NUDT3: variants seen among roughly 807,000 people sequenced by gnomAD.
NUDT3 encodes nudix hydrolase 3.
In NUDT3, 9 loss-of-function variants were observed where a neutral mutation model predicts 23.6. The observed-to-expected ratio is 0.38, with a 90% CI of 0.23 to 0.66. The LOEUF (loss-of-function observed/expected upper bound fraction) is 0.66, where lower values mean the gene tolerates loss of function less well. Among genes scored for constraint, NUDT3 ranks in the 30% least tolerant of loss-of-function variants. NUDT3 has a pLI of 0.52. For missense variants in NUDT3, 172 were observed against 218.5 expected, an observed-to-expected ratio of 0.79 and a Z score of 1.34; for synonymous variants, 86 against 82.6, an observed-to-expected ratio of 1.04 and a Z score of -0.22.
intron 4 of NUDT3, among the ~76,000 whole-genome samples, chr6:34,291,223 T>C (rs188682688): frequency 0.012 from 1,861 of 151,856 alleles, 22 homozygotes; most frequent in Non-Finnish European, 0.02. Context: ...CCTCCCAAAG[T>C]GCTGGGATTA....
intron 2 of NUDT3, among the ~76,000 whole-genome samples, chr6:34,299,918 T>C (rs572409764): frequency 4.0e-5 from 6 of 151,290 alleles, no homozygotes; most frequent in African/African-American, 1.5e-4. Flanking sequence ...AAAAAAATAT[T>C]TTTTTTATTT....
chr6:34,282,441 T>C lies in NUDT3; in HGVS notation c.*6312A>G, dbSNP rs1763290175. On this transcript the variant is annotated 3_prime_UTR_variant, in exon 5 of 5. Transcript: ENST00000607016. ...AGAATCTTATGGCCCAGCATTGGCA[T>C]TGAGGCATCTTGCTTTTTTTCCTCA... 6.6e-6 allele frequency: 1 copy of C among 152,202 alleles called. No individual in the cohort carries two copies. The highest frequency in any genetic ancestry group is 2.4e-5 in the African/African-American group (1 of 41,442). 9.4% of individuals were successfully genotyped at this position (152,202 alleles called of 1,614,324 possible). A position where few individuals can be genotyped will look rare whatever the true frequency, so the allele number is the denominator to read the frequency against.
intron 1 of NUDT3, among the ~76,000 whole-genome samples, chr6:34,354,414 CACACACACACACACAT>C (rs1330890581): frequency 9.3e-5 from 14 of 150,692 alleles, no homozygotes; most frequent in African/African-American, 3.0e-4. Flanking sequence ...CACACACACA[CACACACACACACACAT>C]ACACACTCTT....
At chr6:34,374,061 G>A (rs1764881005) in intron 1 of NUDT3, among the ~76,000 whole-genome samples, 1 of 150,284 alleles carries the variant, frequency 6.7e-6, no homozygotes, top group Non-Finnish European at 1.5e-5. Flanking sequence ...GGAGGCTGAG[G>A]CAGGAGAATC....
intron 1 of NUDT3, among the ~76,000 whole-genome samples, chr6:34,382,092 A>T (rs1223424169): frequency 8.0e-5 from 12 of 150,736 alleles, no homozygotes; most frequent in African/African-American, 2.9e-4. Context: ...AAAAAAAAAA[A>T]AAAAAAATTA....
chr6:34,314,596 T>C (rs982671373), intron 2 of NUDT3, among the ~76,000 whole-genome samples: 5 of 149,940 alleles, frequency 3.3e-5, no homozygotes, highest in African/African-American at 1.2e-4. Flanking sequence ...ATGCCAAAAG[T>C]AGTTTCTTTC....
intron 2 of NUDT3, among the ~76,000 whole-genome samples, chr6:34,297,022 C>T (rs1016353121): frequency 6.6e-6 from 1 of 151,030 alleles, no homozygotes; most frequent in African/African-American, 2.4e-5. Context: ...ACATCCATCT[C>T]CCGGGTTCAA....
intron 1 of NUDT3, among the ~76,000 whole-genome samples, chr6:34,351,198 T>TTAAAAAAAAAAAAAAAAAAAAAAAAAAA (rs1764462307): frequency 1.7e-4 from 3 of 17,894 alleles, no homozygotes; most frequent in Non-Finnish European, 2.3e-4. Context: ...CTCCCCTGCC[T>TTAAAAAAAAAAAAAAAAAAAAAAAAAAA]AAAAAAAAAA....
intron 1 of NUDT3, among the ~76,000 whole-genome samples, chr6:34,379,340 G>A (rs1017344283): frequency 2.7e-5 from 4 of 150,180 alleles, no homozygotes; most frequent in Admixed American, 6.6e-5. Flanking sequence ...TGGGCAGATC[G>A]CCTCAGGCCA....
rs538190179 is a variant in NUDT3 at position 34,363,609 on chromosome 6, C to T, written c.100-21637G>A. ...ATTAAGCATGGGCTAGGTGAGAGTT[C>T]TGATCAGCATGTATTTTTAGAAATT... is the stretch of plus-strand genomic sequence containing the variant. On this transcript the variant is annotated intron_variant, in intron 1 of 4. Transcript: ENST00000607016. Among the ~76,000 whole-genome samples the T allele has an allele frequency of 8.1e-4, 123 of 152,202 alleles. 1 individual carries two copies. The highest frequency in any genetic ancestry group is 1.6e-4 in the Non-Finnish European group (11 of 68,004).
intron 1 of NUDT3, among the ~76,000 whole-genome samples, chr6:34,359,645 C>A (rs957370364): frequency 6.6e-6 from 1 of 152,198 alleles, no homozygotes; most frequent in Non-Finnish European, 1.5e-5. Flanking sequence ...TATGTATACA[C>A]CATATACCAC....
At chr6:34,356,131 A>G (rs1179773246) in intron 1 of NUDT3, among the ~76,000 whole-genome samples, 2 of 152,148 alleles carry the variant, frequency 1.3e-5, no homozygotes. Context: ...ATACTTAACA[A>G]TGTAAGAAGG....
At chr6:34,373,006 G>A (rs1312568832) in intron 1 of NUDT3, among the ~76,000 whole-genome samples, 2 of 151,762 alleles carry the variant, frequency 1.3e-5, no homozygotes, top group African/African-American at 2.4e-5. Flanking sequence ...TGTGCCGGGC[G>A]CGGTGGCTCA....
chr6:34,311,575 G>A (rs1374542833), intron 2 of NUDT3, among the ~76,000 whole-genome samples: 2 of 152,144 alleles, frequency 1.3e-5, no homozygotes, highest in Admixed American at 1.3e-4. Flanking sequence ...TATTGAAAAA[G>A]TGATCCTAAA....
At position 34,304,506 on chromosome 6, in the gene NUDT3, C is replaced by T. The variant is rs1057324884; in HGVS notation, c.211-8821G>A. ...CTTACAAAAGGTATGTAACTATCCT[C>T]CTCTAAATAGTCTTCAAGAATATAC... On this transcript the variant is annotated intron_variant, in intron 2 of 4. Transcript: ENST00000607016. Among the ~76,000 whole-genome samples, 3 of 152,032 alleles carry T rather than the reference C, an allele frequency of 2.0e-5. No individual in the cohort carries two copies. In the South Asian group the frequency reaches 6.2e-4, roughly 31 times the overall value.
intron 2 of NUDT3, among the ~76,000 whole-genome samples, chr6:34,338,807 G>C (rs1764247691): frequency 6.6e-6 from 1 of 152,228 alleles, no homozygotes; most frequent in African/African-American, 2.4e-5. Context: ...AGGCAGAGGA[G>C]AATGTCTGAT....
At chr6:34,384,119 G>A (rs1765067130) in intron 1 of NUDT3, among the ~76,000 whole-genome samples, 1 of 152,218 alleles carries the variant, frequency 6.6e-6, no homozygotes, top group East Asian at 1.9e-4. Context: ...AGTCTGCAGA[G>A]ACGTCAGTCC....
At chr6:34,301,547 G>A (rs1272983573) in intron 2 of NUDT3, among the ~76,000 whole-genome samples, 2 of 152,226 alleles carry the variant, frequency 1.3e-5, no homozygotes, top group African/African-American at 2.4e-5. Flanking sequence ...GCTCCTAAAG[G>A]ATGAAAGACC....
chr6:34,387,713 A>G (rs1765130035), intron 1 of NUDT3, among the ~76,000 whole-genome samples: 1 of 146,910 alleles, frequency 6.8e-6, no homozygotes, highest in African/African-American at 2.5e-5. Flanking sequence ...TTAGTATGAC[A>G]GGAAAGAAAG....
Sources: allele counts gnomAD v4.1 joint callset (sites outside exome capture counted in the v4.1 genomes callset), GRCh38; gene constraint gnomAD v4.1.1; transcripts MANE v1.5; gene names NCBI Gene and HGNC (gene_info 2026-07-23, HGNC 2026-07-21).